The following CADM1 variants were observed in gnomAD, a reference collection of about 807,000 sequenced individuals.
CADM1 encodes the protein cell adhesion molecule 1.
A neutral mutation model predicts 53.1 loss-of-function variants in CADM1; 15 were observed. The observed-to-expected ratio is 0.28, with a 90% CI of 0.19 to 0.44. The LOEUF (loss-of-function observed/expected upper bound fraction) is 0.44, where lower values mean the gene tolerates loss of function less well. Ranked by LOEUF, CADM1 falls within the 20% of genes least tolerant of loss-of-function variation. CADM1 has a pLI of 1.00. For missense variants in CADM1, 434 were observed against 611.3 expected, an observed-to-expected ratio of 0.71 and a Z score of 3.06; for synonymous variants, 281 against 243.0, an observed-to-expected ratio of 1.16 and a Z score of -1.45.
chr11:115,352,004 A>G (rs917037591), intron 1 of CADM1, among the ~76,000 whole-genome samples: 1 of 152,240 alleles, frequency 6.6e-6, no homozygotes, highest in African/African-American at 2.4e-5. Flanking sequence ...GTTTATTAAT[A>G]TTCCCAAAAG....
At chr11:115,308,211 T>TATATATATAAAC (rs139012671) in intron 1 of CADM1, among the ~76,000 whole-genome samples, 1 of 139,384 alleles carries the variant, frequency 7.2e-6, no homozygotes, top group Non-Finnish European at 1.5e-5. Flanking sequence ...TATATATATA[T>TATATATATAAAC]ACACACCTAT....
At chr11:115,209,719 GACAAA>G (rs889510219) in intron 7 of CADM1, 62 bp from the exon 8 acceptor site, 3 of 1,594,878 alleles carry the variant, frequency 1.9e-6, no homozygotes, top group African/African-American at 1.3e-5. Context: ...GACCAGTAAT[GACAAA>G]ACAAAGGCAT....
intron 1 of CADM1, among the ~76,000 whole-genome samples, chr11:115,426,985 T>C (rs1947908728): frequency 6.6e-6 from 1 of 152,100 alleles, no homozygotes; most frequent in Admixed American, 6.6e-5. Context: ...CAGGAGGATA[T>C]AATGAAACGA....
At chr11:115,249,409 A>G (rs1398802648) in intron 1 of CADM1, among the ~76,000 whole-genome samples, 1 of 152,260 alleles carries the variant, frequency 6.6e-6, no homozygotes, top group Non-Finnish European at 1.5e-5. Flanking sequence ...GATAGCTGAT[A>G]AAGCACAAAC....
chr11:115,430,895 T>G (rs1484787245), intron 1 of CADM1, among the ~76,000 whole-genome samples: 1 of 152,194 alleles, frequency 6.6e-6, no homozygotes, highest in Non-Finnish European at 1.5e-5. Flanking sequence ...ACTTAAATTT[T>G]CTGAATTAAA....
At chr11:115,180,125 A>C (rs1420341077) in intron 10 of CADM1, among the ~76,000 whole-genome samples, 1 of 152,136 alleles carries the variant, frequency 6.6e-6, no homozygotes, top group Non-Finnish European at 1.5e-5. Flanking sequence ...TTGAGCCGAA[A>C]CCTGATACAA....
chr11:115,278,327 A>G (rs1943498721), intron 1 of CADM1, among the ~76,000 whole-genome samples: 1 of 152,244 alleles, frequency 6.6e-6, no homozygotes, highest in Admixed American at 6.5e-5. Flanking sequence ...TGTGGTGGAT[A>G]TAAGCAAGTA....
intron 1 of CADM1, among the ~76,000 whole-genome samples, chr11:115,379,891 G>T (rs1424860145): frequency 2.0e-5 from 3 of 152,026 alleles, no homozygotes; most frequent in African/African-American, 7.2e-5. Flanking sequence ...TTTGTTTTAG[G>T]CACCAATTAA....
At chr11:115,298,700 G>A (rs570649413) in intron 1 of CADM1, among the ~76,000 whole-genome samples, 27 of 152,322 alleles carry the variant, frequency 1.8e-4, no homozygotes, top group African/African-American at 6.5e-4. Flanking sequence ...AATCAGCGAA[G>A]ACACCATTGT....
intron 7 of CADM1, among the ~76,000 whole-genome samples, chr11:115,213,532 C>T (rs1294673100): frequency 6.6e-6 from 1 of 152,092 alleles, no homozygotes; most frequent in Non-Finnish European, 1.5e-5. Flanking sequence ...TTTTAATATC[C>T]ATGCAGATAT....
chr11:115,441,724 T>A (rs1948317378), intron 1 of CADM1, among the ~76,000 whole-genome samples: 1 of 152,190 alleles, frequency 6.6e-6, no homozygotes, highest in African/African-American at 2.4e-5. Context: ...GGGACACCTC[T>A]AGCCCCTTCC....
At chr11:115,444,453 T>C (rs1948401720) in intron 1 of CADM1, among the ~76,000 whole-genome samples, 1 of 152,208 alleles carries the variant, frequency 6.6e-6, no homozygotes, top group Non-Finnish European at 1.5e-5. Context: ...TGAAAGCTGA[T>C]CACTTGTGTT....
At chr11:115,267,247 A>G (rs997032928) in intron 1 of CADM1, among the ~76,000 whole-genome samples, 5 of 152,230 alleles carry the variant, frequency 3.3e-5, no homozygotes, top group African/African-American at 1.2e-4. Context: ...CCCAAATATT[A>G]CTTTCTTTGT....
chr11:115,303,699 G>T lies in CADM1; in HGVS notation c.125-63279C>A, dbSNP rs114049762. ...GACACCCCAAATCTACTCTTTCCTC[G>T]GAGAAGAAGCAGATTTTACTCCCCC... On this transcript the variant is annotated intron_variant, in intron 1 of 11. Transcript: ENST00000331581. Among the ~76,000 whole-genome samples, 1,088 of 152,010 alleles carry T rather than the reference G, an allele frequency of 7.2e-3. 17 individuals carry two copies. The highest frequency in any genetic ancestry group is 0.024 in the African/African-American group (1,011 of 41,478).
intron 1 of CADM1, among the ~76,000 whole-genome samples, chr11:115,474,941 G>A (rs1271500821): frequency 2.0e-5 from 3 of 152,114 alleles, no homozygotes; most frequent in African/African-American, 7.2e-5. Flanking sequence ...GTGTTGACAA[G>A]GATTTAGAGA....
intron 1 of CADM1, among the ~76,000 whole-genome samples, chr11:115,390,237 G>A (rs944536262): frequency 6.6e-6 from 1 of 152,258 alleles, no homozygotes; most frequent in African/African-American, 2.4e-5. Context: ...GAGCTAAACA[G>A]TCACATTTCT....
intron 1 of CADM1, among the ~76,000 whole-genome samples, chr11:115,362,486 G>A (rs1299128451): frequency 1.3e-5 from 2 of 152,174 alleles, no homozygotes; most frequent in African/African-American, 2.4e-5. Flanking sequence ...AGAGCACTGC[G>A]ACCTAGTCAA....
At chr11:115,397,005 G>A (rs1947016978) in intron 1 of CADM1, 1 of 151,998 alleles carries the variant, frequency 6.6e-6, no homozygotes, top group South Asian at 2.1e-4. Context: ...CAGGATTATG[G>A]CTATCAAGCA....
intron 1 of CADM1, among the ~76,000 whole-genome samples, chr11:115,263,431 C>CT (rs1398889322): frequency 6.6e-6 from 1 of 152,226 alleles, no homozygotes; most frequent in African/African-American, 2.4e-5. Context: ...TCTCCTTAAA[C>CT]TTTCACTTGT....
Sources: allele counts gnomAD v4.1 joint callset (sites outside exome capture counted in the v4.1 genomes callset), GRCh38; gene constraint gnomAD v4.1.1; transcripts MANE v1.5; gene names NCBI Gene and HGNC (gene_info 2026-07-23, HGNC 2026-07-21).